Variants in ST3GAL1 observed in about 807,000 individuals in gnomAD.
ST3GAL1 encodes CMP-N-acetylneuraminate-beta-galactosamide-alpha-2,3-sialyltransferase 1.
A neutral mutation model predicts 34.1 loss-of-function variants in ST3GAL1; 16 were observed. The ratio of observed to expected loss-of-function variants is 0.47; its 90% CI spans 0.32 to 0.71. ST3GAL1 has a LOEUF of 0.71. ST3GAL1 is among the 30% of genes least tolerant of loss of function. The pLI, the probability that ST3GAL1 is intolerant of heterozygous loss-of-function variation, is 0.04. For synonymous variants in ST3GAL1, 191 were observed against 184.7 expected, an observed-to-expected ratio of 1.03 and a Z score of -0.28; for missense variants, 353 against 447.4, an observed-to-expected ratio of 0.79 and a Z score of 1.90.
At chr8:133,476,251 A>G in intron 4 of ST3GAL1, 27 bp downstream of exon 4, 1 of 473,932 alleles carries the variant, frequency 2.1e-6, no homozygotes, top group East Asian at 3.4e-5. Context: ...CATTCGTGGC[A>G]TGTTGGCTTT....
intron 2 of ST3GAL1, among the ~76,000 whole-genome samples, chr8:133,529,509 G>T (rs187260262): frequency 6.6e-6 from 1 of 152,184 alleles, no homozygotes; most frequent in Admixed American, 6.5e-5. Flanking sequence ...AGGTGAGGAC[G>T]CCAGGCGAGA....
chr8:133,491,538 C>T (rs910248380), intron 3 of ST3GAL1, among the ~76,000 whole-genome samples: 1 of 146,524 alleles, frequency 6.8e-6, no homozygotes, highest in Admixed American at 6.7e-5. Context: ...CACAGTCTGA[C>T]ACGTGGCTTA....
intron 3 of ST3GAL1, among the ~76,000 whole-genome samples, chr8:133,497,997 C>T (rs1340858007): frequency 6.6e-6 from 1 of 152,220 alleles, no homozygotes; most frequent in Admixed American, 6.5e-5. Flanking sequence ...GTTCCTACCC[C>T]AGAATCCATA....
At chr8:133,507,787 C>A (rs1259367136) in intron 2 of ST3GAL1, among the ~76,000 whole-genome samples, 1 of 152,204 alleles carries the variant, frequency 6.6e-6, no homozygotes, top group African/African-American at 2.4e-5. Context: ...CCTGGAAAGG[C>A]AGGTTTCAGG....
At position 133,556,891 on chromosome 8, in the gene ST3GAL1, C is replaced by T. The variant is rs894622005; in HGVS notation, c.-581-10965G>A. Among the ~76,000 whole-genome samples, 12 of 152,070 alleles carry T rather than the reference C, an allele frequency of 7.9e-5. No individual in the cohort carries two copies. Among genetic ancestry groups the T allele is most frequent in the South Asian group, 2.1e-4 (1 of 4,824 alleles). On this transcript the variant is annotated intron_variant, in intron 1 of 9. Coordinates refer to ENST00000522652, the MANE Select transcript of ST3GAL1 (RefSeq NM_173344.3). The surrounding 1 kb of genome is among the most constrained non-coding windows in gnomAD (Gnocchi z 8.9). ...AGGGAAGTGGGAGGGAGGTTGGCAG[C>T]GGTGCTATTAATGCAGGCAGGGAGA... is the stretch of plus-strand genomic sequence containing the variant.
chr8:133,536,495 A>G (rs1818315284), intron 2 of ST3GAL1, among the ~76,000 whole-genome samples: 1 of 152,220 alleles, frequency 6.6e-6, no homozygotes, highest in African/African-American at 2.4e-5. Flanking sequence ...TTCTTGGGAC[A>G]TTGGCATTGT....
chr8:133,478,970 G>C (rs1478379452), intron 3 of ST3GAL1, among the ~76,000 whole-genome samples: 1 of 152,226 alleles, frequency 6.6e-6, no homozygotes, highest in Non-Finnish European at 1.5e-5. Context: ...GGAGAACTGA[G>C]AAAGAAAGCA....
At position 133,475,986 on chromosome 8, in the gene ST3GAL1, G is replaced by T; in HGVS notation, c.39C>A (p.Thr13=). 2 of 1,610,956 alleles carry T rather than the reference G, an allele frequency of 1.2e-6. No homozygotes were observed. Among genetic ancestry groups the T allele is most frequent in the Non-Finnish European group, 1.7e-6 (2 of 1,178,296 alleles). The change falls in exon 5 of 10, where the codon ACC becomes ACA. Residue 13 remains threonine, a synonymous_variant. Transcript: ENST00000522652. The part of the protein sequence containing the change: ...TLRKRTLKVL[T]FLVLFIFLTS... The stretch of plus-strand genomic sequence containing the variant: ...TGAGGAAGATGAAGAGCACGAGGAA[G>T]GTGAGCACTTTCAGGGTCCTCTTCC...
chr8:133,469,894 T>A lies in ST3GAL1; in HGVS notation c.307-3804A>T, dbSNP rs888193928. ...ATCTCAGACCCATTCCAATCTTTCA[T>A]TGGCAAAAGGGGAAATGGAGGCCCA... On this transcript the variant is annotated intron_variant, in intron 5 of 9. Transcript: ENST00000522652. This position sits in a 1 kb window ranked among gnomAD's most constrained non-coding sequence, Gnocchi z 4.3. Among the ~76,000 whole-genome samples, 4 of 152,146 alleles carry A rather than the reference T, an allele frequency of 2.6e-5. No homozygotes were observed. The highest frequency in any genetic ancestry group is 4.4e-5 in the Non-Finnish European group (3 of 68,034).
intron 2 of ST3GAL1, among the ~76,000 whole-genome samples, chr8:133,502,263 C>A (rs1287417276): frequency 6.6e-6 from 1 of 152,034 alleles, no homozygotes; most frequent in Non-Finnish European, 1.5e-5. Flanking sequence ...GCAGAATTGG[C>A]CCTTGCTATG....
intron 2 of ST3GAL1, among the ~76,000 whole-genome samples, chr8:133,514,454 G>C (rs1167321067): frequency 6.6e-6 from 1 of 152,176 alleles, no homozygotes; most frequent in African/African-American, 2.4e-5. Context: ...GAATGGAACA[G>C]GCAGGAATCA....
chr8:133,475,708 C>A lies in ST3GAL1; in HGVS notation c.306+11G>T. 1 of 1,575,258 alleles carries A rather than the reference C, an allele frequency of 6.3e-7. No homozygotes were observed. The highest frequency in any genetic ancestry group is 8.6e-7 in the Non-Finnish European group (1 of 1,158,964). ...TCTCAGCCCAGACCCCGCTCTCAGG[C>A]AGCATCTCACCAGCCACCATCGGTA... On this transcript the variant is annotated intron_variant, in intron 5 of 9. Transcript: ENST00000522652.
chr8:133,470,750 C>T (rs145590838), intron 5 of ST3GAL1, among the ~76,000 whole-genome samples: 161 of 152,194 alleles, frequency 1.1e-3, no homozygotes, highest in African/African-American at 3.1e-3. Context: ...AGGCTGGGGG[C>T]GAGGCGAGTG....
At chr8:133,460,304 G>C (rs374631058) in intron 9 of ST3GAL1, among the ~76,000 whole-genome samples, 6 of 152,192 alleles carry the variant, frequency 3.9e-5, no homozygotes, top group East Asian at 3.9e-4. Flanking sequence ...AGTGGAAGGA[G>C]AGCAGGGCTT....
chr8:133,563,688 T>G (rs1353857911), intron 1 of ST3GAL1, among the ~76,000 whole-genome samples: 3 of 151,934 alleles, frequency 2.0e-5, no homozygotes, highest in Non-Finnish European at 4.4e-5. Flanking sequence ...CGTAAGAGGG[T>G]GCACATTTTG....
In ST3GAL1 at chr8:133,465,986, C is replaced by T. The variant is rs1433964855; in HGVS notation, c.411G>A (p.Val137=). Residue 137 remains valine, a synonymous_variant, in exon 6 of 10, where the codon GTG becomes GTA. Coordinates refer to ENST00000522652, the MANE Select transcript of ST3GAL1 (RefSeq NM_173344.3). ...NVDPMLEKRS[V]GCRRCAVVGN... is the part of the protein sequence containing the mutation. The stretch of plus-strand genomic sequence containing the variant: ...CCACAACGGCGCAGCGCCGGCAGCC[C>T]ACCGACCTCTTCTCCAGCATAGGGT... The T allele has an allele frequency of 6.2e-7, 1 of 1,614,232 alleles. No homozygotes were observed.
At chr8:133,546,067 G>A (rs1818662426) in intron 1 of ST3GAL1, 141 bp from the exon 2 acceptor site, 1 of 152,218 alleles carries the variant, frequency 6.6e-6, no homozygotes, top group Non-Finnish European at 1.5e-5. Context: ...AGCACTATCT[G>A]TTAAACAAAC....
chr8:133,496,454 G>C (rs936536527), intron 3 of ST3GAL1, among the ~76,000 whole-genome samples: 1 of 152,146 alleles, frequency 6.6e-6, no homozygotes, highest in Non-Finnish European at 1.5e-5. Context: ...AAAATCAAAG[G>C]GGAGCTGACA....
intron 3 of ST3GAL1, among the ~76,000 whole-genome samples, chr8:133,487,248 C>A (rs960072811): frequency 1.3e-5 from 2 of 151,846 alleles, no homozygotes; most frequent in Non-Finnish European, 2.9e-5. Flanking sequence ...AATCATGTTA[C>A]TAATAATCTT....
Sources: allele counts gnomAD v4.1 joint callset (sites outside exome capture counted in the v4.1 genomes callset), GRCh38; gene constraint gnomAD v4.1.1; non-coding constraint Gnocchi (gnomAD v3.1); transcripts MANE v1.5; gene names NCBI Gene and HGNC (gene_info 2026-07-23, HGNC 2026-07-21).